Variants in CMIP observed in about 807,000 individuals in gnomAD.
CMIP encodes C-Maf-inducing protein.
A neutral mutation model predicts 97.3 loss-of-function variants in CMIP; 13 were observed. The observed-to-expected ratio is 0.13, with a 90% CI of 0.09 to 0.21. The LOEUF (loss-of-function observed/expected upper bound fraction) is 0.21. Among genes scored for constraint, CMIP ranks in the 10% least tolerant of loss-of-function variants. The pLI, the probability that CMIP is intolerant of heterozygous loss-of-function variation, is 1.00. For missense variants in CMIP, 847 were observed against 1,024.9 expected, an observed-to-expected ratio of 0.83 and a Z score of 2.37; for synonymous variants, 538 against 436.3, an observed-to-expected ratio of 1.23 and a Z score of -2.91.
intron 1 of CMIP, among the ~76,000 whole-genome samples, chr16:81,483,526 C>T (rs550035494): frequency 2.4e-4 from 37 of 152,210 alleles, no homozygotes; most frequent in African/African-American, 8.4e-4. Context: ...GCTCTGAAGA[C>T]CGAAGTGCCT....
chr16:81,684,718 C>T (rs1905209632), intron 10 of CMIP, among the ~76,000 whole-genome samples: 1 of 152,222 alleles, frequency 6.6e-6, no homozygotes, highest in Non-Finnish European at 1.5e-5. Context: ...GTTAAATGTG[C>T]AGGTGCCTAA....
intron 1 of CMIP, among the ~76,000 whole-genome samples, chr16:81,479,853 A>T (rs1029370542): frequency 1.3e-5 from 2 of 152,182 alleles, no homozygotes; most frequent in Non-Finnish European, 2.9e-5. Flanking sequence ...GCATTTGCAT[A>T]TATTAGGCCC....
chr16:81,470,711 G>C (rs1012947495), intron 1 of CMIP, among the ~76,000 whole-genome samples: 2 of 152,210 alleles, frequency 1.3e-5, no homozygotes, highest in African/African-American at 2.4e-5. Context: ...TCCCACCTTG[G>C]TCTCCCATAC....
intron 11 of CMIP, among the ~76,000 whole-genome samples, chr16:81,692,374 C>T (rs1349708631): frequency 6.6e-6 from 1 of 152,108 alleles, no homozygotes; most frequent in Non-Finnish European, 1.5e-5. Context: ...GCCCCTAGCA[C>T]CATATTGAAT....
At chr16:81,451,274 A>G (rs972315852) in intron 1 of CMIP, among the ~76,000 whole-genome samples, 2 of 152,098 alleles carry the variant, frequency 1.3e-5, no homozygotes, top group Admixed American at 6.5e-5. Flanking sequence ...ATGGTTTTAT[A>G]AGGGGAAACC....
At chr16:81,455,364 G>A (rs1246434529) in intron 1 of CMIP, among the ~76,000 whole-genome samples, 1 of 152,224 alleles carries the variant, frequency 6.6e-6, no homozygotes, top group East Asian at 1.9e-4. Flanking sequence ...TACCGATGGG[G>A]ACACTGAGGC....
chr16:81,635,703 G>A (rs2092225379), intron 3 of CMIP, among the ~76,000 whole-genome samples: 1 of 152,162 alleles, frequency 6.6e-6, no homozygotes, highest in South Asian at 2.1e-4. Context: ...TAGACGTCAA[G>A]CGTCTGCAAA....
At chr16:81,492,410 C>T (rs1454521161) in intron 1 of CMIP, among the ~76,000 whole-genome samples, 1 of 152,240 alleles carries the variant, frequency 6.6e-6, no homozygotes, top group African/African-American at 2.4e-5. Context: ...TCCTCTGTCC[C>T]TCTGTCCGTG....
chr16:81,499,613 G>C (rs962899494), intron 1 of CMIP, among the ~76,000 whole-genome samples: 1 of 152,228 alleles, frequency 6.6e-6, no homozygotes, highest in African/African-American at 2.4e-5. Flanking sequence ...CCCCATCCCA[G>C]CCTCCAAGAA....
chr16:81,572,334 G>A (rs966475016), intron 1 of CMIP, among the ~76,000 whole-genome samples: 4 of 152,210 alleles, frequency 2.6e-5, no homozygotes, highest in East Asian at 3.9e-4. Context: ...TTCTGTGAAT[G>A]AACGCGGTCG....
intron 1 of CMIP, among the ~76,000 whole-genome samples, chr16:81,504,284 C>G (rs929447137): frequency 6.6e-6 from 1 of 151,430 alleles, no homozygotes; most frequent in African/African-American, 2.4e-5. Context: ...TGAGATCATG[C>G]CACTGCACTT....
chr16:81,487,826 G>C (rs2150763223), intron 1 of CMIP, among the ~76,000 whole-genome samples: 1 of 152,228 alleles, frequency 6.6e-6, no homozygotes, highest in Non-Finnish European at 1.5e-5. Context: ...GCAGCTTCAG[G>C]GGGCTTAGCC....
intron 1 of CMIP, among the ~76,000 whole-genome samples, chr16:81,479,896 A>G (rs1287657636): frequency 6.6e-6 from 1 of 152,160 alleles, no homozygotes; most frequent in Admixed American, 6.5e-5. Context: ...ATGAAAGAAA[A>G]TCCTGGCCAG....
At chr16:81,640,634 G>C (rs1404377015) in intron 3 of CMIP, among the ~76,000 whole-genome samples, 2 of 152,128 alleles carry the variant, frequency 1.3e-5, no homozygotes, top group Admixed American at 6.5e-5. Flanking sequence ...GACTCTAGGG[G>C]AGGGCCTTTT....
intron 11 of CMIP, 78 bp downstream of exon 11, chr16:81,691,918 G>A (rs954791675): frequency 2.4e-6 from 3 of 1,260,152 alleles, no homozygotes; most frequent in Admixed American, 1.8e-5. Context: ...TTAGTGGGGG[G>A]CCAGTCATGT....
intron 1 of CMIP, among the ~76,000 whole-genome samples, chr16:81,542,016 G>C (rs1282279464): frequency 6.6e-6 from 1 of 152,070 alleles, no homozygotes; most frequent in East Asian, 1.9e-4. Context: ...ACCTTATTCT[G>C]TTCAGCTGCC....
At chr16:81,481,064 C>T (rs745699033) in intron 1 of CMIP, among the ~76,000 whole-genome samples, 2 of 152,334 alleles carry the variant, frequency 1.3e-5, no homozygotes, top group Non-Finnish European at 2.9e-5. Flanking sequence ...GGCTTTGGCC[C>T]GGCTGTCTCC....
At chr16:81,573,597 T>TA (rs756121072) in intron 1 of CMIP, among the ~76,000 whole-genome samples, 3 of 152,116 alleles carry the variant, frequency 2.0e-5, no homozygotes, top group Non-Finnish European at 4.4e-5. Flanking sequence ...ATATATCTGT[T>TA]ACTTGTTGAA....
intron 1 of CMIP, among the ~76,000 whole-genome samples, chr16:81,570,173 T>C (rs1379294858): frequency 1.3e-5 from 2 of 152,150 alleles, no homozygotes; most frequent in African/African-American, 4.8e-5. Context: ...GCTGTAGTTT[T>C]TTTGTGTTTT....
Sources: gnomAD v4.1 joint callset for allele counts (sites outside exome capture counted in the v4.1 genomes callset) on GRCh38, gnomAD v4.1.1 for gene constraint, MANE v1.5 for transcripts, NCBI Gene and HGNC (gene_info 2026-07-23, HGNC 2026-07-21) for gene names.